RGS3: variants seen among roughly 807,000 people sequenced by gnomAD.
RGS3 encodes regulator of G protein signaling 3.
Under a neutral mutation model 132.6 loss-of-function variants are expected in RGS3, and 80 were observed. The observed-to-expected ratio is 0.60, with a 90% CI of 0.50 to 0.73. The LOEUF is 0.73. Among genes scored for constraint, RGS3 ranks in the 30% least tolerant of loss-of-function variants. The probability of loss-of-function intolerance (pLI) is 0.00; values close to 1 mark genes in which losing one functional copy is unlikely to be tolerated. For missense variants in RGS3, 1,382 were observed against 1,530.8 expected (o/e 0.90, Z 1.62); for synonymous variants, 598 against 620.6 (o/e 0.96, Z 0.54).
At chr9:113,497,094 G>A (rs1414275423) in intron 8 of RGS3, among the ~76,000 whole-genome samples, 2 of 152,192 alleles carry the variant, frequency 1.3e-5, no homozygotes, top group African/African-American at 4.8e-5. Flanking sequence ...AGGGATAAGA[G>A]GCTGTGGGAA....
intron 19 of RGS3, among the ~76,000 whole-genome samples, chr9:113,547,558 C>G (rs1195233483): frequency 6.6e-6 from 1 of 152,194 alleles, no homozygotes; most frequent in Admixed American, 6.5e-5. Context: ...TAGGTTGGTG[C>G]AAAAGTAACT....
chr9:113,566,515 G>C (rs927206109), intron 19 of RGS3, among the ~76,000 whole-genome samples: 2 of 152,194 alleles, frequency 1.3e-5, no homozygotes, highest in African/African-American at 2.4e-5. Flanking sequence ...GACCCAGAAA[G>C]GGGAGGAGCC....
At chr9:113,553,488 A>ATATG (rs1167196716) in intron 19 of RGS3, among the ~76,000 whole-genome samples, 3 of 123,272 alleles carry the variant, frequency 2.4e-5, no homozygotes, top group African/African-American at 6.2e-5. Context: ...ATATATATAT[A>ATATG]TATGTATATA....
chr9:113,484,168 C>T (rs141535395), exon 6 of RGS3: 78 of 1,611,726 alleles, frequency 4.8e-5, no homozygotes, highest in East Asian at 8.9e-5. Flanking sequence ...TAGTAGACTA[C>T]GCCACCAGAA....
At chr9:113,562,310 T>C (rs1270551094) in intron 19 of RGS3, among the ~76,000 whole-genome samples, 1 of 151,966 alleles carries the variant, frequency 6.6e-6, no homozygotes, top group African/African-American at 2.4e-5. Flanking sequence ...ACCCCACCTC[T>C]ACTAAAAATG....
chr9:113,536,743 C>G, intron 18 of RGS3, 53 bp from the exon 17 acceptor site: 2 of 1,592,098 alleles, frequency 1.3e-6, no homozygotes, highest in Non-Finnish European at 1.7e-6. Context: ...TGGGAGCCCC[C>G]TGAACCAGGG....
chr9:113,479,351 C>G (rs1830089042), intron 3 of RGS3, 140 bp from the exon 2 acceptor site: 3 of 850,902 alleles, frequency 3.5e-6, no homozygotes, highest in Non-Finnish European at 5.9e-6. Flanking sequence ...CTTCTGAGGT[C>G]CCTGCCAGCC....
intron 10 of RGS3, among the ~76,000 whole-genome samples, chr9:113,499,923 T>C (rs1298284169): frequency 6.6e-6 from 1 of 152,250 alleles, no homozygotes; most frequent in Non-Finnish European, 1.5e-5. Flanking sequence ...AAAGCTTTCC[T>C]CTGGCTTCTG....
chr9:113,535,423 G>A (rs1832639962), intron 18 of RGS3, among the ~76,000 whole-genome samples: 1 of 152,118 alleles, frequency 6.6e-6, no homozygotes, highest in Non-Finnish European at 1.5e-5. Flanking sequence ...CACCCGCCTC[G>A]GCCTCCCAAA....
chr9:113,590,966 A>G (rs1232630586), intron 20 of RGS3, among the ~76,000 whole-genome samples: 2 of 152,238 alleles, frequency 1.3e-5, no homozygotes, highest in Non-Finnish European at 2.9e-5. Context: ...AAATTAAGGA[A>G]TAGAGGCTTA....
chr9:113,576,673 G>A (rs1054930679), intron 19 of RGS3, among the ~76,000 whole-genome samples: 2 of 152,200 alleles, frequency 1.3e-5, no homozygotes, highest in Non-Finnish European at 2.9e-5. Flanking sequence ...TTCAGGTGGG[G>A]AGTGGTCAGA....
intron 1 of RGS3, among the ~76,000 whole-genome samples, chr9:113,461,198 G>A (rs1389606636): frequency 6.6e-6 from 1 of 152,096 alleles, no homozygotes; most frequent in East Asian, 1.9e-4. Context: ...ATCGTGTGTG[G>A]TATGATAATG....
intron 15 of RGS3, among the ~76,000 whole-genome samples, chr9:113,514,904 G>A (rs1478826639): frequency 6.6e-6 from 1 of 152,050 alleles, no homozygotes; most frequent in Non-Finnish European, 1.5e-5. Context: ...CCCCCACCTC[G>A]CCTCCCCTTT....
At chr9:113,593,014 A>G (rs978350175) in intron 21 of RGS3, 5 of 152,232 alleles carry the variant, frequency 3.3e-5, no homozygotes, top group African/African-American at 1.2e-4. Flanking sequence ...GCTAAGTTAC[A>G]TGGCAAGAAA....
intron 7 of RGS3, among the ~76,000 whole-genome samples, chr9:113,495,512 G>T (rs1355914113): frequency 6.6e-6 from 1 of 152,214 alleles, no homozygotes; most frequent in Non-Finnish European, 1.5e-5. Context: ...ATGAAGTACC[G>T]CTGAGCTTCT....
At chr9:113,536,609 C>T (rs2118604216) in intron 18 of RGS3, 187 bp from the exon 17 acceptor site, 1 of 1,437,930 alleles carries the variant, frequency 7.0e-7, no homozygotes, top group Middle Eastern at 2.4e-4. Flanking sequence ...GCCCTTGAAC[C>T]CACTTCCCTG....
At chr9:113,550,646 A>G (rs962791180) in intron 19 of RGS3, among the ~76,000 whole-genome samples, 3 of 152,204 alleles carry the variant, frequency 2.0e-5, no homozygotes, top group African/African-American at 4.8e-5. Context: ...TCTGGATAAG[A>G]AAATGTTTAT....
chr9:113,594,203 G>T, intron 21 of RGS3: 1 of 1,612,966 alleles, frequency 6.2e-7, no homozygotes, highest in Non-Finnish European at 8.5e-7. Flanking sequence ...CCAGGACGCG[G>T]GGTGGGGGAC....
Position 113,495,829 on chromosome 9 carries a change from C to T in RGS3, c.733C>T (p.Leu245Phe), listed in dbSNP as rs534314397. 74 of 1,614,158 alleles carry T rather than the reference C, an allele frequency of 4.6e-5. No individual in the cohort carries two copies. Among genetic ancestry groups the T allele is most frequent in the Middle Eastern group, 3.3e-4 (2 of 6,062 alleles). The change falls in exon 8 of 25, where the codon CTC becomes TTC. Residue 245 changes from leucine (L) to phenylalanine (F), a missense_variant. Coordinates refer to ENST00000350696, the Ensembl canonical transcript of RGS3. ...CTGCATGAGCTTTGGGGTGAAGTCT[C>T]TCCTGACTCCAGACAAGGTGGGTCC...
Sources: gnomAD v4.1 joint callset for allele counts (sites outside exome capture counted in the v4.1 genomes callset) on GRCh38, gnomAD v4.1.1 for gene constraint, MANE v1.5 for transcripts, NCBI Gene and HGNC (gene_info 2026-07-23, HGNC 2026-07-21) for gene names.